The following HELZ variants were observed in gnomAD, a reference collection of about 807,000 sequenced individuals.
HELZ encodes ATP-dependent RNA helicase with zinc finger domain.
A neutral mutation model predicts 218.2 loss-of-function variants in HELZ; 23 were observed. That is an observed-to-expected ratio of 0.11 (90% confidence interval 0.08 to 0.15). HELZ has a LOEUF of 0.15. HELZ is among the 10% of genes least tolerant of loss of function. The pLI is 1.00. For missense variants in HELZ, 1,813 were observed against 2,353.7 expected (o/e 0.77, Z 4.75); for synonymous variants, 814 against 829.4 (o/e 0.98, Z 0.32).
At chr17:67,199,196 C>T (rs184579628) in intron 7 of HELZ, among the ~76,000 whole-genome samples, 98 of 148,266 alleles carry the variant, frequency 6.6e-4, no homozygotes, top group African/African-American at 2.3e-3. Context: ...AAAGTAATTG[C>T]GATTTTGCCA....
At chr17:67,095,230 C>A (rs2036707128) in intron 31 of HELZ, among the ~76,000 whole-genome samples, 1 of 152,144 alleles carries the variant, frequency 6.6e-6, no homozygotes, top group Admixed American at 6.6e-5. Flanking sequence ...TTTCTTTGTT[C>A]ACCCATAACA....
At chr17:67,143,780 G>T (rs764725915) in intron 21 of HELZ, among the ~76,000 whole-genome samples, 1 of 152,032 alleles carries the variant, frequency 6.6e-6, no homozygotes, top group Admixed American at 6.5e-5. Flanking sequence ...TTAAGCATGT[G>T]AAAGAAGACA....
intron 1 of HELZ, chr17:67,244,871 C>T (rs1262038973): frequency 2.0e-6 from 2 of 985,576 alleles, no homozygotes; most frequent in Non-Finnish European, 2.4e-6. Flanking sequence ...GCGTGCAAGG[C>T]CCCCTCTCCT....
chr17:67,240,154 T>C (rs938846461), intron 2 of HELZ, among the ~76,000 whole-genome samples: 2 of 152,250 alleles, frequency 1.3e-5, no homozygotes, highest in Non-Finnish European at 2.9e-5. Context: ...AAATTACAGT[T>C]ATCTTAAGCT....
intron 4 of HELZ, among the ~76,000 whole-genome samples, chr17:67,217,200 C>G (rs1246655875): frequency 6.6e-6 from 1 of 152,198 alleles, no homozygotes; most frequent in Non-Finnish European, 1.5e-5. Context: ...CAGCTGTAGC[C>G]TTCTAACCTC....
chr17:67,147,139 A>G (rs182165780), intron 20 of HELZ, among the ~76,000 whole-genome samples: 165 of 152,334 alleles, frequency 1.1e-3, no homozygotes, highest in African/African-American at 3.7e-3. Flanking sequence ...GTTTGTCAAT[A>G]TATTTATTAC....
At chr17:67,147,447 A>G (rs1429500742) in intron 20 of HELZ, among the ~76,000 whole-genome samples, 2 of 152,016 alleles carry the variant, frequency 1.3e-5, no homozygotes. Context: ...ACCTGCCCCA[A>G]AGCAGGACTC....
At chr17:67,111,031 G>A (rs1156397476) in intron 28 of HELZ, among the ~76,000 whole-genome samples, 4 of 152,178 alleles carry the variant, frequency 2.6e-5, no homozygotes, top group Non-Finnish European at 5.9e-5. Context: ...GCTAGGTAAA[G>A]GTAACAGTTT....
chr17:67,097,683 CTT>C (rs1418066065), intron 31 of HELZ, among the ~76,000 whole-genome samples: 5 of 152,188 alleles, frequency 3.3e-5, no homozygotes, highest in African/African-American at 1.2e-4. Flanking sequence ...CTATCTGACT[CTT>C]GTTTACTGTT....
chr17:67,227,153 G>C (rs975625567), intron 3 of HELZ, among the ~76,000 whole-genome samples: 6 of 150,942 alleles, frequency 4.0e-5, no homozygotes, highest in Non-Finnish European at 8.9e-5. Flanking sequence ...TTATAAAATT[G>C]TAAGAATTAT....
rs1040161366 is a variant in HELZ, at chr17:67,245,163, A to G, written c.-147T>C. 1.0e-6 allele frequency: 1 copy of G among 985,140 alleles called. No individual in the cohort carries two copies. The highest frequency in any genetic ancestry group is 1.2e-6 in the Non-Finnish European group (1 of 829,892). The allele number at this position is 985,140 out of a possible 1,614,324, so 61.0% of individuals were successfully genotyped here. On this transcript the variant is annotated 5_prime_UTR_variant, in exon 1 of 33. An upstream open reading frame in the 5' UTR loses its in-frame stop. Transcript: ENST00000358691. ...CAGGACTTACCTGTCATTACTTTCT[A>G]CGCCATCTTGGATCCACTTGTCAAC...
intron 32 of HELZ, among the ~76,000 whole-genome samples, chr17:67,082,549 T>C (rs1268655333): frequency 2.6e-5 from 4 of 152,202 alleles, no homozygotes; most frequent in African/African-American, 9.6e-5. Flanking sequence ...AATTTTATAG[T>C]ACTATTTAAA....
intron 31 of HELZ, among the ~76,000 whole-genome samples, chr17:67,101,600 A>G (rs986532941): frequency 5.9e-5 from 9 of 152,232 alleles, no homozygotes; most frequent in African/African-American, 1.9e-4. Context: ...CACACAGATA[A>G]AAATTACCTT....
chr17:67,210,636 A>G (rs1235713094), intron 5 of HELZ, among the ~76,000 whole-genome samples: 1 of 152,164 alleles, frequency 6.6e-6, no homozygotes, highest in East Asian at 1.9e-4. Context: ...TTTAGTGTAA[A>G]AAAATGGCCG....
chr17:67,233,347 T>C (rs2041088496), intron 3 of HELZ, among the ~76,000 whole-genome samples: 1 of 152,174 alleles, frequency 6.6e-6, no homozygotes, highest in Admixed American at 6.5e-5. Flanking sequence ...AGCAAGACCC[T>C]GTCTCAAAAA....
chr17:67,182,981 G>T (rs2039655553), intron 12 of HELZ, among the ~76,000 whole-genome samples: 1 of 152,156 alleles, frequency 6.6e-6, no homozygotes, highest in African/African-American at 2.4e-5. Flanking sequence ...CCAGCACAAG[G>T]GTTGACATGT....
chr17:67,137,473 G>A (rs1187477742), intron 22 of HELZ, among the ~76,000 whole-genome samples: 1 of 152,204 alleles, frequency 6.6e-6, no homozygotes, highest in African/African-American at 2.4e-5. Context: ...GCTTCAATTA[G>A]AGTTCACATC....
intron 15 of HELZ, among the ~76,000 whole-genome samples, chr17:67,165,578 G>C (rs550924412): frequency 6.6e-6 from 1 of 152,322 alleles, no homozygotes; most frequent in East Asian, 1.9e-4. Context: ...AAACAAAGGT[G>C]TTGTGAGTTG....
intron 12 of HELZ, among the ~76,000 whole-genome samples, chr17:67,185,768 C>G (rs761860142): frequency 6.6e-5 from 10 of 151,954 alleles, no homozygotes; most frequent in Non-Finnish European, 1.0e-4. Flanking sequence ...CAATTATTTT[C>G]TATCACATAA....
Sources: gnomAD v4.1 joint callset for allele counts (sites outside exome capture counted in the v4.1 genomes callset) on GRCh38, gnomAD v4.1.1 for gene constraint, MANE v1.5 for transcripts, NCBI Gene and HGNC (gene_info 2026-07-23, HGNC 2026-07-21) for gene names.